ABHD13: variants seen among roughly 807,000 people sequenced by gnomAD.
ABHD13 encodes the protein protein ABHD13.
Under a neutral mutation model 25.2 loss-of-function variants are expected in ABHD13, and 7 were observed. The ratio of observed to expected loss-of-function variants is 0.28; its 90% CI spans 0.16 to 0.52. ABHD13 has a LOEUF of 0.52. Ranked by LOEUF, ABHD13 falls within the 20% of genes least tolerant of loss-of-function variation. The pLI, the probability that ABHD13 is intolerant of heterozygous loss-of-function variation, is 0.96. For missense variants in ABHD13, 302 were observed against 402.7 expected, an observed-to-expected ratio of 0.75 and a Z score of 2.14; for synonymous variants, 133 against 136.1, an observed-to-expected ratio of 0.98 and a Z score of 0.16.
chr13:108,230,460 A>G lies in ABHD13; in HGVS notation c.*228A>G, dbSNP rs995447783. 3.4e-5 allele frequency: 15 copies of G among 444,700 alleles called. No individual in the cohort carries two copies. The highest frequency in any genetic ancestry group is 2.4e-4 in the African/African-American group (12 of 49,444). 27.5% of individuals were successfully genotyped at this position (444,700 alleles called of 1,614,324 possible). A position where few individuals can be genotyped will look rare whatever the true frequency, so the allele number is the denominator to read the frequency against. ...AAACTTTCAGTGTGATTATGTATTC[A>G]TATCTTCAGTTTAATATGTCAGTAT... On this transcript the variant is annotated 3_prime_UTR_variant, in exon 2 of 2. Coordinates refer to ENST00000375898, the MANE Select transcript of ABHD13 (RefSeq NM_032859.3).
rs1355064929 is a variant in ABHD13, at chr13:108,229,391, A to G, written c.173A>G (p.Tyr58Cys). The G allele has an allele frequency of 6.2e-7, 1 of 1,612,662 alleles. No homozygotes were observed. The highest frequency in any genetic ancestry group is 1.3e-5 in the African/African-American group (1 of 74,950). Residue 58 changes from tyrosine (Y) to cysteine (C), a missense_variant, in exon 2 of 2, where the codon TAT becomes TGT. Physicochemically the swap from Tyr to Cys is radical, Grantham distance 194. Coordinates refer to ENST00000375898, the MANE Select transcript of ABHD13 (RefSeq NM_032859.3). This position sits in a 1 kb window ranked among gnomAD's most constrained non-coding sequence, Gnocchi z 4.7. ...TTCATATCAATAGCAGGTATTCTGT[A>G]TAAATTCCAGGATGTATTGCTTTAT... Reference protein sequence around the residue: ...LIFISIAGILYKFQDVLLYFP... With the variant: ...LIFISIAGILCKFQDVLLYFP...
rs749820025 is a variant in ABHD13, at chr13:108,229,184, C to CCT, written c.-20-4_-20-3dup. ...TAGACGTTGAATTATTGATATTCTC[C>CCT]CTCTCTCTCTCTAGGATACTTACAG... is the stretch of plus-strand genomic sequence containing the variant. On this transcript the variant is annotated splice_polypyrimidine_tract_variant and intron_variant, in intron 1 of 1. Transcript: ENST00000375898. The surrounding 1 kb of genome is among the most constrained non-coding windows in gnomAD (Gnocchi z 4.7). The CCT allele has an allele frequency of 3.3e-5, 47 of 1,445,026 alleles. No individual in the cohort carries two copies. The highest frequency in any genetic ancestry group is 5.9e-5 in the South Asian group (4 of 67,418). 89.5% of individuals were successfully genotyped at this position (1,445,026 alleles called of 1,614,324 possible). A position where few individuals can be genotyped will look rare whatever the true frequency, so the allele number is the denominator to read the frequency against.
intron 1 of ABHD13, among the ~76,000 whole-genome samples, chr13:108,219,271 G>A (rs1403989265): frequency 1.3e-5 from 2 of 152,110 alleles, no homozygotes; most frequent in African/African-American, 4.8e-5. Flanking sequence ...TTTTGCTGTA[G>A]ATTTTAGTCA....
intron 1 of ABHD13, among the ~76,000 whole-genome samples, chr13:108,225,024 A>G (rs1879645571): frequency 6.6e-6 from 1 of 152,124 alleles, no homozygotes; most frequent in African/African-American, 2.4e-5. Flanking sequence ...CTTCATTTAG[A>G]AAGCACAAAA....
At chr13:108,224,275 T>C (rs1214016737) in intron 1 of ABHD13, among the ~76,000 whole-genome samples, 1 of 152,190 alleles carries the variant, frequency 6.6e-6, no homozygotes, top group Non-Finnish European at 1.5e-5. Flanking sequence ...CGTTACTGAG[T>C]AGATCACAAG....
At chr13:108,225,432 G>A (rs555080344) in intron 1 of ABHD13, among the ~76,000 whole-genome samples, 131 of 152,218 alleles carry the variant, frequency 8.6e-4, no homozygotes, top group Non-Finnish European at 1.4e-3. Context: ...CCTGCTTTTC[G>A]GGGTATAGGG....
At chr13:108,221,829 A>G (rs886327101) in intron 1 of ABHD13, among the ~76,000 whole-genome samples, 2 of 151,962 alleles carry the variant, frequency 1.3e-5, no homozygotes, top group South Asian at 4.1e-4. Flanking sequence ...TACAATATGC[A>G]AAACAATGTA....
chr13:108,227,843 A>G (rs566814895), intron 1 of ABHD13, among the ~76,000 whole-genome samples: 4 of 152,188 alleles, frequency 2.6e-5, no homozygotes, highest in African/African-American at 7.2e-5. Flanking sequence ...AAAACTTGCT[A>G]CCACTGGGTG....
chr13:108,229,659 G>C lies in ABHD13; in HGVS notation c.441G>C (p.Leu147=), dbSNP rs1879752629. The C allele has an allele frequency of 1.2e-6, 2 of 1,613,204 alleles. No individual in the cohort carries two copies. The highest frequency in any genetic ancestry group is 1.7e-5 in the Admixed American group (1 of 59,840). ...TTAACCTCAAAGTTAACCTTTTGCT[G>C]GTTGATTATCGAGGATATGGAAAAA... ...MLVNLKVNLL[L]VDYRGYGKSE... Residue 147 remains leucine, a synonymous_variant, in exon 2 of 2, where the codon CTG becomes CTC. Coordinates refer to ENST00000375898, the MANE Select transcript of ABHD13 (RefSeq NM_032859.3). This position sits in a 1 kb window ranked among gnomAD's most constrained non-coding sequence, Gnocchi z 4.7.
Position 108,229,608 on chromosome 13 carries a change from G to A in ABHD13, c.390G>A (p.Arg130=). The A allele has an allele frequency of 6.2e-7, 1 of 1,613,272 alleles. No individual in the cohort carries two copies. The change falls in exon 2 of 2, where the codon AGG becomes AGA. Residue 130 remains arginine, a synonymous_variant. Coordinates refer to ENST00000375898, the MANE Select transcript of ABHD13 (RefSeq NM_032859.3). The surrounding 1 kb of genome is among the most constrained non-coding windows in gnomAD (Gnocchi z 4.7). The part of the protein sequence containing the change: ...FHGNAGNIGH[R]LPNALLMLVN... ...GGAATGCAGGCAACATAGGTCACAG[G>A]TTGCCAAATGCATTACTTATGTTGG...
intron 1 of ABHD13, among the ~76,000 whole-genome samples, chr13:108,223,069 T>TA (rs1879600862): frequency 6.6e-6 from 1 of 152,272 alleles, no homozygotes; most frequent in Non-Finnish European, 1.5e-5. Context: ...TGTCTCTTGT[T>TA]ACATCAAAAT....
Position 108,233,276 on chromosome 13 carries a change from T to G in ABHD13, c.*3044T>G, listed in dbSNP as rs1879847157. ...AATTTCTTATGTTTGTAAGTTTGGCTTTGTGGGAATAGGTGTGGAGAAATT... is the reference window on the plus strand; with the variant it reads ...AATTTCTTATGTTTGTAAGTTTGGCGTTGTGGGAATAGGTGTGGAGAAATT... On this transcript the variant is annotated 3_prime_UTR_variant, in exon 2 of 2. Coordinates refer to ENST00000375898, the MANE Select transcript of ABHD13 (RefSeq NM_032859.3). 6.0e-6 allele frequency: 1 copy of G among 166,820 alleles called. No homozygotes were observed. The highest frequency in any genetic ancestry group is 1.5e-5 in the Non-Finnish European group (1 of 67,984). The allele number at this position is 166,820 out of a possible 1,614,324, so 10.3% of individuals were successfully genotyped here.
rs1879736205 is a variant in ABHD13, at chr13:108,229,136, T to C, written c.-20-63T>C. The C allele has an allele frequency of 7.9e-7, 1 of 1,260,074 alleles. No individual in the cohort carries two copies. The highest frequency in any genetic ancestry group is 1.1e-6 in the Non-Finnish European group (1 of 911,644). The allele number at this position is 1,260,074 out of a possible 1,614,324, so 78.1% of individuals were successfully genotyped here. A position where few individuals can be genotyped will look rare whatever the true frequency, so the allele number is the denominator to read the frequency against. ...TGGCCTAGTACCATAGTTTATTATA[T>C]TGTGGATTTTTAAAAGAATAGATAG... is the stretch of plus-strand genomic sequence containing the variant. On this transcript the variant is annotated intron_variant, in intron 1 of 1. Transcript: ENST00000375898. This position sits in a 1 kb window ranked among gnomAD's most constrained non-coding sequence, Gnocchi z 4.7.
intron 1 of ABHD13, among the ~76,000 whole-genome samples, chr13:108,222,224 T>G (rs1879583613): frequency 6.6e-6 from 1 of 152,180 alleles, no homozygotes; most frequent in African/African-American, 2.4e-5. Flanking sequence ...AAATACAATT[T>G]TTATTGTAAA....
At chr13:108,226,468 C>G (rs1274677090) in intron 1 of ABHD13, among the ~76,000 whole-genome samples, 1 of 152,142 alleles carries the variant, frequency 6.6e-6, no homozygotes, top group African/African-American at 2.4e-5. Context: ...TTTTACTACA[C>G]TGTTGCTTAG....
At chr13:108,219,429 T>C (rs1879495256) in intron 1 of ABHD13, among the ~76,000 whole-genome samples, 1 of 152,218 alleles carries the variant, frequency 6.6e-6, no homozygotes, top group East Asian at 1.9e-4. Flanking sequence ...TGTGTGTTGA[T>C]ATTGGATTTT....
In ABHD13 at chr13:108,232,677, T is replaced by G. The variant is rs1403328002; in HGVS notation, c.*2445T>G. Reference sequence around the variant, plus strand: ...CAGCTATAGGAGTTTACAAAAGAACTTTAAGTTATTAAGTTACTATAAATT... The same window carrying G: ...CAGCTATAGGAGTTTACAAAAGAACGTTAAGTTATTAAGTTACTATAAATT... On this transcript the variant is annotated 3_prime_UTR_variant, in exon 2 of 2. Transcript: ENST00000375898. 6.0e-6 allele frequency: 1 copy of G among 166,858 alleles called. No homozygotes were observed. The highest frequency in any genetic ancestry group is 1.5e-5 in the Non-Finnish European group (1 of 68,020). The allele number at this position is 166,858 out of a possible 1,614,324, so 10.3% of individuals were successfully genotyped here.
intron 1 of ABHD13, among the ~76,000 whole-genome samples, chr13:108,222,168 T>C (rs1320800087): frequency 1.3e-5 from 2 of 152,108 alleles, no homozygotes; most frequent in African/African-American, 4.8e-5. Flanking sequence ...TAAAAATAAT[T>C]AGAATAACTA....
At chr13:108,223,393 AT>A (rs1269600490) in intron 1 of ABHD13, among the ~76,000 whole-genome samples, 2 of 152,234 alleles carry the variant, frequency 1.3e-5, no homozygotes, top group Non-Finnish European at 2.9e-5. Flanking sequence ...ATTCAAATGT[AT>A]TTCAATACAT....
Sources: allele counts gnomAD v4.1 joint callset (sites outside exome capture counted in the v4.1 genomes callset), GRCh38; gene constraint gnomAD v4.1.1; non-coding constraint Gnocchi (gnomAD v3.1); transcripts MANE v1.5; gene names NCBI Gene and HGNC (gene_info 2026-07-23, HGNC 2026-07-21).